UBXN2A: variants seen among roughly 807,000 people sequenced by gnomAD.
The protein encoded by UBXN2A is UBX domain-containing protein 2A.
UBXN2A carries 28 observed loss-of-function variants against 28.4 expected under a neutral mutation model. The ratio of observed to expected loss-of-function variants is 0.99; its 90% CI spans 0.73 to 1.35. The LOEUF (loss-of-function observed/expected upper bound fraction) is 1.35. UBXN2A is among the 40% of genes most tolerant of loss of function. UBXN2A has a pLI of 0.00. For missense variants in UBXN2A, 253 were observed against 297.9 expected (o/e 0.85, Z 1.11); for synonymous variants, 97 against 103.6 (o/e 0.94, Z 0.39).
chr2:23,984,557 A>G (rs1708045753), intron 5 of UBXN2A, 116 bp from the exon 6 acceptor site: 12 of 880,532 alleles, frequency 1.4e-5, no homozygotes, highest in Non-Finnish European at 1.8e-5. Flanking sequence ...AACACATATA[A>G]CTTAAAAAAT....
intron 1 of UBXN2A, among the ~76,000 whole-genome samples, chr2:23,943,631 G>A (rs1311063022): frequency 6.6e-6 from 1 of 151,992 alleles, no homozygotes; most frequent in Non-Finnish European, 1.5e-5. Context: ...GGGATTACAG[G>A]TATGCACCAC....
chr2:23,956,046 G>T (rs1393546712), intron 1 of UBXN2A, among the ~76,000 whole-genome samples: 1 of 152,084 alleles, frequency 6.6e-6, no homozygotes, highest in East Asian at 1.9e-4. Flanking sequence ...TGTATTTTTA[G>T]TAGAGATGGG....
At chr2:23,945,577 G>A (rs909377949) in intron 1 of UBXN2A, among the ~76,000 whole-genome samples, 4 of 151,818 alleles carry the variant, frequency 2.6e-5, no homozygotes, top group Admixed American at 6.6e-5. Context: ...CTTTTCCCTC[G>A]TGTTTAATAC....
At chr2:23,937,955 T>A (rs918960697), upstream of UBXN2A, among the ~76,000 whole-genome samples, 1 of 152,172 alleles carries the variant, frequency 6.6e-6, no homozygotes, top group Non-Finnish European at 1.5e-5. Context: ...TTGAATACTG[T>A]AGACAATTGT....
rs1438299934 is a variant in UBXN2A at position 23,965,302 on chromosome 2, G to C, written c.42-5974G>C. ...CATCCTTGTCTTGTTCCTGATCTTA[G>C]TGGGAAAGCATCTAGTTTCTCCTGA... is the stretch of plus-strand genomic sequence containing the variant. On this transcript the variant is annotated intron_variant, in intron 2 of 6. Coordinates refer to ENST00000309033, the MANE Select transcript of UBXN2A (RefSeq NM_181713.4). Among the ~76,000 whole-genome samples, 3 of 152,168 alleles carry C rather than the reference G, an allele frequency of 2.0e-5. No homozygotes were observed. The South Asian group carries it at 6.2e-4, about 32-fold the overall frequency.
chr2:23,991,963 T>G (rs890019438), intron 6 of UBXN2A, among the ~76,000 whole-genome samples: 6 of 151,874 alleles, frequency 4.0e-5, no homozygotes, highest in African/African-American at 1.5e-4. Flanking sequence ...GGCTAATTTT[T>G]GGGGTTTTTT....
In UBXN2A at chr2:24,002,926, C is replaced by T. The variant is rs1034866005; in HGVS notation, c.*3059C>T. The T allele has an allele frequency of 2.0e-5, 3 of 152,076 alleles. No individual in the cohort carries two copies. Among genetic ancestry groups the T allele is most frequent in the African/African-American group, 4.8e-5 (2 of 41,408 alleles). The allele number at this position is 152,076 out of a possible 1,614,324, so 9.4% of individuals were successfully genotyped here. On this transcript the variant is annotated 3_prime_UTR_variant, in exon 7 of 7. Coordinates refer to ENST00000309033, the MANE Select transcript of UBXN2A (RefSeq NM_181713.4). The stretch of plus-strand genomic sequence containing the variant: ...AATGCCTTAGTATGATTATGAAAAA[C>T]GTTTTGACTTCACAGTGCCCTGAAT...
At chr2:23,972,631 G>C (rs1707465828) in intron 3 of UBXN2A, among the ~76,000 whole-genome samples, 1 of 152,092 alleles carries the variant, frequency 6.6e-6, no homozygotes, top group Non-Finnish European at 1.5e-5. Flanking sequence ...AGATCAGCCT[G>C]ATCAACATGG....
At chr2:23,995,164 T>A (rs995808410) in intron 6 of UBXN2A, among the ~76,000 whole-genome samples, 1 of 152,172 alleles carries the variant, frequency 6.6e-6, no homozygotes, top group African/African-American at 2.4e-5. Context: ...TGTTTCAGGA[T>A]TTTGGCTTAT....
intron 1 of UBXN2A, among the ~76,000 whole-genome samples, chr2:23,950,566 C>A (rs924853725): frequency 6.6e-6 from 1 of 151,776 alleles, no homozygotes; most frequent in African/African-American, 2.4e-5. Flanking sequence ...CCATGCCTGG[C>A]TAATTTTTTG....
intron 1 of UBXN2A, among the ~76,000 whole-genome samples, chr2:23,927,858 T>C (rs142144356): frequency 6.6e-6 from 1 of 152,020 alleles, no homozygotes. Flanking sequence ...GAAAAAAAAA[T>C]TAAGCCACAC....
chr2:23,945,989 G>A (rs542396459), intron 1 of UBXN2A, among the ~76,000 whole-genome samples: 12 of 151,678 alleles, frequency 7.9e-5, no homozygotes, highest in East Asian at 2.0e-4. Context: ...GTGTTCCCAC[G>A]TCCGGCTAGT....
chr2:23,984,743 C>A lies in UBXN2A; in HGVS notation c.496C>A (p.Pro166Thr). The A allele has an allele frequency of 6.4e-7, 1 of 1,565,722 alleles. No homozygotes were observed. The highest frequency in any genetic ancestry group is 8.6e-7 in the Non-Finnish European group (1 of 1,164,812). The change falls in exon 6 of 7, where the codon CCA becomes ACA. Residue 166 changes from proline (P) to threonine (T), a missense_variant. By Grantham distance (38) the Pro-to-Thr change is conservative. Transcript: ENST00000309033. The stretch of plus-strand genomic sequence containing the variant: ...AAATAAAAATAATTTGTCTGCTGTT[C>A]CACTGAACAACTTGGAACCCATTAC... ...VENKNNLSAV[P>T]LNNLEPITNI...
At chr2:23,958,643 G>A (rs191775680) in intron 2 of UBXN2A, among the ~76,000 whole-genome samples, 1 of 152,280 alleles carries the variant, frequency 6.6e-6, no homozygotes, top group East Asian at 1.9e-4. Flanking sequence ...AGCCTCTTGT[G>A]ATAGATACAC....
At chr2:23,932,172 G>A (rs1705389502) in intron 1 of UBXN2A, among the ~76,000 whole-genome samples, 1 of 151,866 alleles carries the variant, frequency 6.6e-6, no homozygotes, top group African/African-American at 2.4e-5. Flanking sequence ...ACAAAAATTA[G>A]CCAGGCATGG....
rs190058529 is a variant in UBXN2A at position 23,955,055 on chromosome 2, C to A, written c.-14-3246C>A. Among the ~76,000 whole-genome samples the A allele has an allele frequency of 7.0e-4, 106 of 151,870 alleles. No individual in the cohort carries two copies. In the East Asian group the frequency reaches 0.02, roughly 28 times the overall value. ...TCAGGCCATTCTCCTGCCTCAGCCT[C>A]CTGAGTAGCTGGGATTACAGGCATG... On this transcript the variant is annotated intron_variant, in intron 1 of 6. Transcript: ENST00000309033.
At chr2:23,983,422 G>T (rs1707994829) in intron 5 of UBXN2A, among the ~76,000 whole-genome samples, 2 of 152,110 alleles carry the variant, frequency 1.3e-5, no homozygotes, top group Middle Eastern at 3.4e-3. Context: ...CAGGAGAATC[G>T]CTTGAACCTG....
intron 6 of UBXN2A, among the ~76,000 whole-genome samples, chr2:23,995,290 C>T (rs974805414): frequency 2.0e-5 from 3 of 151,928 alleles, no homozygotes; most frequent in African/African-American, 7.3e-5. Flanking sequence ...AAATGTGGAG[C>T]TCACCTTGTG....
At position 23,951,548 on chromosome 2, in the gene UBXN2A, C is replaced by T. The variant is rs576306636; in HGVS notation, c.-14-6753C>T. ...CGAGCTTGGCTCACCAGAACCTCTG[C>T]CTCCAAGGTTCAAGCGATTCTCCTG... is the stretch of plus-strand genomic sequence containing the variant. On this transcript the variant is annotated intron_variant, in intron 1 of 6. Coordinates refer to ENST00000309033, the MANE Select transcript of UBXN2A (RefSeq NM_181713.4). 3.3e-5 allele frequency among the ~76,000 whole-genome samples: 5 copies of T among 151,050 alleles called. No individual in the cohort carries two copies. In the South Asian group the frequency reaches 1.0e-3, roughly 32 times the overall value.
Sources: allele counts gnomAD v4.1 joint callset (sites outside exome capture counted in the v4.1 genomes callset), GRCh38; gene constraint gnomAD v4.1.1; transcripts MANE v1.5; gene names NCBI Gene and HGNC (gene_info 2026-07-23, HGNC 2026-07-21).